The following TDP1 variants were observed in gnomAD, a reference collection of about 807,000 sequenced individuals.
TDP1 encodes tyrosyl-DNA phosphodiesterase 1.
Under a neutral mutation model 81.5 loss-of-function variants are expected in TDP1, and 64 were observed. That is an observed-to-expected ratio of 0.79 (90% CI 0.64 to 0.97). The LOEUF is 0.97. Among genes scored for constraint, TDP1 ranks in the 50% least tolerant of loss-of-function variants. TDP1 has a pLI of 0.00. For synonymous variants in TDP1, 256 were observed against 264.3 expected, an observed-to-expected ratio of 0.97 and a Z score of 0.30; for missense variants, 723 against 743.8, an observed-to-expected ratio of 0.97 and a Z score of 0.33.
intron 14 of TDP1, among the ~76,000 whole-genome samples, chr14:90,009,327 G>A (rs1884421953): frequency 6.6e-6 from 1 of 152,160 alleles, no homozygotes; most frequent in South Asian, 2.1e-4. Flanking sequence ...GAGATCAGGT[G>A]GAAGAAAAGG....
rs771800976 is a variant in TDP1 at position 89,975,858 on chromosome 14, C to G, written c.791+43C>G. Reference sequence around the variant, plus strand: ...AATAGGGGAACCCCTCAAGCATTGTCATTTGTCCATTACACGGTTATTCTT... The same window carrying G: ...AATAGGGGAACCCCTCAAGCATTGTGATTTGTCCATTACACGGTTATTCTT... On this transcript the variant is annotated intron_variant, in intron 7 of 16. Coordinates refer to ENST00000335725, the MANE Select transcript of TDP1 (RefSeq NM_018319.4). 2.2e-5 allele frequency: 33 copies of G among 1,512,992 alleles called. 1 individual carries two copies. The highest frequency in any genetic ancestry group is 2.8e-5 in the Non-Finnish European group (31 of 1,087,904). The allele number at this position is 1,512,992 out of a possible 1,614,324, so 93.7% of individuals were successfully genotyped here.
chr14:90,016,371 C>T lies in TDP1; in HGVS notation c.1542-2945C>T, dbSNP rs560466785. 3.9e-4 allele frequency among the ~76,000 whole-genome samples: 60 copies of T among 152,238 alleles called. No individual in the cohort carries two copies. In the Middle Eastern group the frequency reaches 0.01, roughly 26 times the overall value. ...ACAGCAGCCATTTTTATAACTCATG[C>T]GTTGTCACTGTGTCCAGCAGAAGCT... On this transcript the variant is annotated intron_variant, in intron 14 of 16. Transcript: ENST00000335725.
chr14:89,977,295 T>TA lies in TDP1; in HGVS notation c.791+1489dup, dbSNP rs200406508. On this transcript the variant is annotated intron_variant, in intron 7 of 16. Coordinates refer to ENST00000335725, the MANE Select transcript of TDP1 (RefSeq NM_018319.4). Reference sequence around the variant, plus strand: ...TTGAAATTACTTTTAGTTGCTTATTTAAAAAAAAATTTTTTTTTTGTTGAG... The same window carrying TA: ...TTGAAATTACTTTTAGTTGCTTATTTAAAAAAAAAATTTTTTTTTTGTTGAG... 4.4e-3 allele frequency among the ~76,000 whole-genome samples: 674 copies of TA among 152,062 alleles called. 6 individuals are homozygous for TA. The highest frequency in any genetic ancestry group is 0.015 in the African/African-American group (630 of 41,456).
chr14:89,995,372 C>A (rs1397725955), intron 14 of TDP1, among the ~76,000 whole-genome samples: 1 of 147,590 alleles, frequency 6.8e-6, no homozygotes, highest in Admixed American at 6.6e-5. Context: ...TAGGAGCACA[C>A]CTCTCCTCTA....
intron 16 of TDP1, among the ~76,000 whole-genome samples, chr14:90,042,555 A>G (rs1474873432): frequency 6.6e-6 from 1 of 152,178 alleles, no homozygotes; most frequent in Non-Finnish European, 1.5e-5. Context: ...GGTAATTTAT[A>G]AAGGAAAGAG....
intron 13 of TDP1, chr14:89,992,847 A>G: frequency 5.7e-6 from 4 of 703,352 alleles, no homozygotes; most frequent in Non-Finnish European, 7.0e-6. Flanking sequence ...CATAGTCTGC[A>G]ATATTGGAAA....
intron 14 of TDP1, among the ~76,000 whole-genome samples, chr14:89,998,016 G>A (rs1299167446): frequency 6.6e-6 from 1 of 152,062 alleles, no homozygotes; most frequent in Admixed American, 6.6e-5. Context: ...AAGTGCTATA[G>A]AGAAAAAATA....
Position 89,963,175 on chromosome 14 carries a change from G to T in TDP1, c.61G>T (p.Glu21Ter), listed in dbSNP as rs572353459. The change falls in exon 3 of 17, where the codon GAA becomes TAA. Residue 21 changes from glutamate to a stop codon, truncating the protein, a stop_gained. Transcript: ENST00000335725. LOFTEE classifies it high-confidence loss of function. ...TISSSDESEEEKPKPDKPSTS... is the reference protein window; with the variant it reads ...TISSSDESEE Reference sequence around the variant, plus strand: ...ATCTAGTAGTGATGAAAGTGAGGAAGAAAAGCCAAAACCAGACAAGCCATC... The same window carrying T: ...ATCTAGTAGTGATGAAAGTGAGGAATAAAAGCCAAAACCAGACAAGCCATC... 1 of 1,614,144 alleles carries T rather than the reference G, an allele frequency of 6.2e-7. No homozygotes were observed. Among genetic ancestry groups the T allele is most frequent in the Admixed American group, 1.7e-5 (1 of 60,020 alleles).
At chr14:90,016,813 C>T (rs1885366886) in intron 14 of TDP1, among the ~76,000 whole-genome samples, 1 of 152,178 alleles carries the variant, frequency 6.6e-6, no homozygotes, top group Non-Finnish European at 1.5e-5. Context: ...TACTGTCACT[C>T]AACATGACTT....
At chr14:90,024,289 G>A (rs1886406826) in intron 15 of TDP1, among the ~76,000 whole-genome samples, 1 of 152,170 alleles carries the variant, frequency 6.6e-6, no homozygotes, top group African/African-American at 2.4e-5. Context: ...GCCATAATCT[G>A]TACTGAGAAT....
intron 14 of TDP1, among the ~76,000 whole-genome samples, chr14:90,008,618 T>C (rs1205810262): frequency 6.6e-6 from 1 of 152,228 alleles, no homozygotes; most frequent in African/African-American, 2.4e-5. Flanking sequence ...AAAACAACAT[T>C]TGGCAGTTAA....
chr14:89,986,695 G>A (rs1468640025), intron 10 of TDP1, among the ~76,000 whole-genome samples: 1 of 152,244 alleles, frequency 6.6e-6, no homozygotes, highest in Non-Finnish European at 1.5e-5. Context: ...TGGCCCTTCA[G>A]GGGCTGAGCA....
chr14:90,019,526 C>T (rs368016327), intron 15 of TDP1, 108 bp downstream of exon 15: 9 of 724,152 alleles, frequency 1.2e-5, no homozygotes, highest in Non-Finnish European at 1.8e-5. Context: ...AGGAAACAGT[C>T]GGGATTCTTA....
At chr14:90,008,373 T>A (rs1310450251) in intron 14 of TDP1, among the ~76,000 whole-genome samples, 1 of 152,060 alleles carries the variant, frequency 6.6e-6, no homozygotes, top group African/African-American at 2.4e-5. Context: ...ATCAGTAGAG[T>A]TTTTAATTCT....
intron 5 of TDP1, 48 bp from the exon 6 acceptor site, chr14:89,971,127 A>G (rs1596521030): frequency 6.5e-7 from 1 of 1,535,002 alleles, no homozygotes; most frequent in Non-Finnish European, 9.0e-7. Context: ...TGAGCCACTG[A>G]GCCTGGCCAT....
intron 3 of TDP1, chr14:89,965,858 C>A: frequency 3.0e-6 from 3 of 984,452 alleles, no homozygotes; most frequent in Non-Finnish European, 3.6e-6. Context: ...GAATATGTAT[C>A]ATTATTGTCC....
Position 89,964,200 on chromosome 14 carries a change from G to A in TDP1, c.559+527G>A, listed in dbSNP as rs35732072. ...CTTAAAAGCCTGGTTTTAGTTCCTG[G>A]TGAAGAAGAAGAAGAAAAAACAAAA... is the stretch of plus-strand genomic sequence containing the variant. On this transcript the variant is annotated intron_variant, in intron 3 of 16. Transcript: ENST00000335725. Among the ~76,000 whole-genome samples the A allele has an allele frequency of 2.7e-3, 408 of 150,788 alleles. 2 individuals are homozygous for A. The highest frequency in any genetic ancestry group is 9.9e-3 in the African/African-American group (396 of 40,172).
chr14:90,019,195 A>G (rs1885673241), intron 14 of TDP1, 121 bp from the exon 15 acceptor site: 1 of 1,318,980 alleles, frequency 7.6e-7, no homozygotes, highest in Non-Finnish European at 1.1e-6. Flanking sequence ...CTCTGCTAGA[A>G]AATGAATGAA....
At position 89,959,353 on chromosome 14, in the gene TDP1, C is replaced by T. The variant is rs186768504; in HGVS notation, c.-8+2553C>T. Among the ~76,000 whole-genome samples, 227 of 152,340 alleles carry T rather than the reference C, an allele frequency of 1.5e-3. 1 individual carries two copies. The highest frequency in any genetic ancestry group is 5.1e-3 in the African/African-American group (214 of 41,592). The stretch of plus-strand genomic sequence containing the variant: ...TTACAAAGCACTCTGAAATGCTGGG[C>T]ACCAGAGCCTCTATGAGGGAAGTAA... On this transcript the variant is annotated intron_variant, in intron 2 of 16. Transcript: ENST00000335725.
Sources: gnomAD v4.1 joint callset for allele counts (sites outside exome capture counted in the v4.1 genomes callset) on GRCh38, gnomAD v4.1.1 for gene constraint, MANE v1.5 for transcripts, NCBI Gene and HGNC (gene_info 2026-07-23, HGNC 2026-07-21) for gene names.